Variants in ADCY2 observed in about 807,000 individuals in gnomAD.
The protein encoded by ADCY2 is adenylate cyclase 2.
In ADCY2, 31 loss-of-function variants were observed where a neutral mutation model predicts 125.2. That is an observed-to-expected ratio of 0.25 (90% CI 0.19 to 0.33). ADCY2 has a LOEUF of 0.33. Among genes scored for constraint, ADCY2 ranks in the 10% least tolerant of loss-of-function variants. ADCY2 has a pLI of 1.00. For synonymous variants in ADCY2, 512 were observed against 548.4 expected, an observed-to-expected ratio of 0.93 and a Z score of 0.93; for missense variants, 904 against 1,418.2, an observed-to-expected ratio of 0.64 and a Z score of 5.82.
intron 4 of ADCY2, among the ~76,000 whole-genome samples, chr5:7,678,871 A>G (rs7721734): frequency 0.45 from 67,708 of 152,098 alleles, 15,793 homozygotes; most frequent in East Asian, 0.83. Context: ...AGATTATTTA[A>G]TGAGTTCCTC....
intron 4 of ADCY2, among the ~76,000 whole-genome samples, chr5:7,642,185 G>A (rs914650396): frequency 2.6e-5 from 4 of 152,072 alleles, no homozygotes; most frequent in Non-Finnish European, 4.4e-5. Context: ...ACCAGCATGT[G>A]TGTTTTTTTG....
intron 3 of ADCY2, among the ~76,000 whole-genome samples, chr5:7,543,774 G>T (rs895766331): frequency 3.9e-5 from 6 of 152,008 alleles, no homozygotes; most frequent in Admixed American, 6.5e-5. Flanking sequence ...AGCACTTTGG[G>T]AGGCCGAGGT....
intron 2 of ADCY2, among the ~76,000 whole-genome samples, chr5:7,470,996 C>CT (rs1244540331): frequency 6.6e-6 from 1 of 151,770 alleles, no homozygotes; most frequent in African/African-American, 2.4e-5. Flanking sequence ...TGAATTTGCT[C>CT]TTTTATCAGT....
intron 2 of ADCY2, among the ~76,000 whole-genome samples, chr5:7,493,007 C>A (rs1248741315): frequency 6.6e-6 from 1 of 152,166 alleles, no homozygotes; most frequent in Non-Finnish European, 1.5e-5. Flanking sequence ...AGCCGGGGTT[C>A]TGAGCTATGT....
At position 7,781,177 on chromosome 5, in the gene ADCY2, GAGAGAGAGAGAA is replaced by G. The variant is rs1410647187; in HGVS notation, c.2385-3179_2385-3168del. On this transcript the variant is annotated intron_variant, in intron 18 of 24. Transcript: ENST00000338316. ...TAGATTTCATCCTTAAAACATAAAG[GAGAGAGAGAGAA>G]AGAGAGAGGGAAAGAGAGAGGGAGG... Among the ~76,000 whole-genome samples, 5 of 152,180 alleles carry G rather than the reference GAGAGAGAGAGAA, an allele frequency of 3.3e-5. No individual in the cohort carries two copies. The East Asian group carries it at 5.8e-4, about 18-fold the overall frequency.
intron 4 of ADCY2, among the ~76,000 whole-genome samples, chr5:7,643,642 T>C (rs1428869129): frequency 3.9e-5 from 6 of 152,040 alleles, no homozygotes; most frequent in Non-Finnish European, 8.8e-5. Flanking sequence ...CATTTATCTT[T>C]TAATCCATGA....
intron 3 of ADCY2, among the ~76,000 whole-genome samples, chr5:7,543,522 T>A (rs758848655): frequency 2.0e-5 from 3 of 152,146 alleles, no homozygotes; most frequent in Admixed American, 6.5e-5. Context: ...CAGCTGCCAG[T>A]CCTAGGTTCC....
intron 5 of ADCY2, among the ~76,000 whole-genome samples, chr5:7,695,401 C>T (rs576298615): frequency 6.6e-6 from 1 of 152,204 alleles, no homozygotes; most frequent in East Asian, 1.9e-4. Flanking sequence ...GGAAGATATT[C>T]CATGTCTGCT....
intron 14 of ADCY2, among the ~76,000 whole-genome samples, chr5:7,730,132 G>C (rs1742056069): frequency 6.6e-6 from 1 of 152,148 alleles, no homozygotes; most frequent in African/African-American, 2.4e-5. Context: ...AGAACATACA[G>C]TATTTGGTTT....
intron 22 of ADCY2, among the ~76,000 whole-genome samples, chr5:7,806,602 G>GGA (rs144376451): frequency 1.1e-4 from 17 of 151,662 alleles, no homozygotes; most frequent in Non-Finnish European, 1.6e-4. Context: ...CCCATGGAGG[G>GGA]GAGAGAGAGA....
intron 6 of ADCY2, among the ~76,000 whole-genome samples, chr5:7,697,806 TAAAAG>T (rs916650532): frequency 2.0e-5 from 3 of 152,104 alleles, no homozygotes; most frequent in Non-Finnish European, 4.4e-5. Flanking sequence ...TTAAAATAAA[TAAAAG>T]AAACCATAAG....
intron 3 of ADCY2, among the ~76,000 whole-genome samples, chr5:7,586,506 G>A (rs35525378): frequency 0.029 from 4,445 of 152,140 alleles, 76 homozygotes; most frequent in Non-Finnish European, 0.041. Flanking sequence ...CCTGAGTTCT[G>A]ACAAATGTGA....
chr5:7,545,106 C>CA (rs1052076149), intron 3 of ADCY2, among the ~76,000 whole-genome samples: 3 of 152,302 alleles, frequency 2.0e-5, no homozygotes, highest in African/African-American at 7.2e-5. Flanking sequence ...TCTGACCCGT[C>CA]ACTTTTGCCT....
intron 2 of ADCY2, 73 bp from the exon 3 acceptor site, chr5:7,520,665 T>C: frequency 6.5e-7 from 1 of 1,540,450 alleles, no homozygotes; most frequent in Non-Finnish European, 8.9e-7. Flanking sequence ...CAGCCTTTAG[T>C]GGCATGGAAA....
chr5:7,404,193 TC>T (rs1044353271), intron 1 of ADCY2, among the ~76,000 whole-genome samples: 1 of 152,206 alleles, frequency 6.6e-6, no homozygotes, highest in African/African-American at 2.4e-5. Flanking sequence ...TTTGATGTTT[TC>T]CATATGCTTT....
intron 18 of ADCY2, 57 bp downstream of exon 18, chr5:7,773,158 A>G (rs986494463): frequency 1.9e-6 from 3 of 1,551,438 alleles, no homozygotes; most frequent in Non-Finnish European, 2.6e-6. Flanking sequence ...TGTGGATAGC[A>G]TGAGTGTGTG....
At chr5:7,608,339 T>C (rs1737456614) in intron 3 of ADCY2, among the ~76,000 whole-genome samples, 1 of 152,144 alleles carries the variant, frequency 6.6e-6, no homozygotes, top group Non-Finnish European at 1.5e-5. Flanking sequence ...CCCAGCACTT[T>C]GGGAGGCCAA....
chr5:7,820,961 A>C (rs528627542), intron 24 of ADCY2, among the ~76,000 whole-genome samples: 206 of 152,220 alleles, frequency 1.4e-3, no homozygotes, highest in Non-Finnish European at 2.5e-3. Flanking sequence ...AACAGCCCTG[A>C]GCATTCAGTA....
chr5:7,813,945 C>T (rs1245815285), intron 22 of ADCY2, among the ~76,000 whole-genome samples: 1 of 152,088 alleles, frequency 6.6e-6, no homozygotes, highest in East Asian at 1.9e-4. Context: ...ACAGCTTGTG[C>T]CTCCTATTAA....
Sources: allele counts gnomAD v4.1 joint callset (sites outside exome capture counted in the v4.1 genomes callset), GRCh38; gene constraint gnomAD v4.1.1; transcripts MANE v1.5; gene names NCBI Gene and HGNC (gene_info 2026-07-23, HGNC 2026-07-21).